The following TACC2 variants were observed in gnomAD, a reference collection of about 807,000 sequenced individuals.
TACC2 encodes transforming acidic coiled-coil containing protein 2.
Under a neutral mutation model 227.3 loss-of-function variants are expected in TACC2, and 137 were observed. The ratio of observed to expected loss-of-function variants is 0.60; its 90% CI spans 0.52 to 0.69. The LOEUF is 0.69. Ranked by LOEUF, TACC2 falls within the 30% of genes least tolerant of loss-of-function variation. TACC2 has a pLI of 0.00. For missense variants in TACC2, 3,470 were observed against 3,694.4 expected, an observed-to-expected ratio of 0.94 and a Z score of 1.57; for synonymous variants, 1,523 against 1,487.5, an observed-to-expected ratio of 1.02 and a Z score of -0.55.
In TACC2 at chr10:122,085,114, T is replaced by A. The variant is rs2079956738; in HGVS notation, c.2614T>A (p.Ser872Thr). Residue 872 changes from serine (S) to threonine (T), a missense_variant, in exon 4 of 23, where the codon TCT (serine) becomes ACT (threonine). Coordinates refer to ENST00000369005, the MANE Select transcript of TACC2 (RefSeq NM_206862.4). ...AGGTTTTAAGGACCAGGGAGCAGATTCTTCCCAAATCCATGTACCTGTGGA... is the reference window on the plus strand; with the variant it reads ...AGGTTTTAAGGACCAGGGAGCAGATACTTCCCAAATCCATGTACCTGTGGA... ...HPGFKDQGAD[S>T]SQIHVPVEPQ... is the part of the protein sequence containing the mutation. 1 of 1,614,134 alleles carries A rather than the reference T, an allele frequency of 6.2e-7. No homozygotes were observed. The highest frequency in any genetic ancestry group is 8.5e-7 in the Non-Finnish European group (1 of 1,180,020).
intron 5 of TACC2, among the ~76,000 whole-genome samples, chr10:122,108,370 T>C (rs2083140473): frequency 6.8e-6 from 1 of 147,686 alleles, no homozygotes; most frequent in Non-Finnish European, 1.5e-5. Flanking sequence ...TAGTATTCCA[T>C]GCGCGCGCGC....
At chr10:122,022,050 G>T in intron 2 of TACC2, 36 bp downstream of exon 2, 1 of 1,612,822 alleles carries the variant, frequency 6.2e-7, no homozygotes, top group Non-Finnish European at 8.5e-7. Flanking sequence ...GAGCTACGTG[G>T]TGCTCTTGGC....
rs2094512987 is a variant in TACC2 at position 122,194,805 on chromosome 10, G to C, written c.5835-235G>C. Among the ~76,000 whole-genome samples, 1 of 152,230 alleles carries C rather than the reference G, an allele frequency of 6.6e-6. No homozygotes were observed. ...TATTTGCCACTAAGGCGAGAAGCGT[G>C]TATTTCCAGTAGAGCCGAGTTCAAA... On this transcript the variant is annotated intron_variant, in intron 7 of 22. Transcript: ENST00000369005. This position sits in a 1 kb window ranked among gnomAD's most constrained non-coding sequence, Gnocchi z 4.4.
In TACC2 at chr10:122,106,497, C is replaced by T. The variant is rs866160342; in HGVS notation, c.5573+17906C>T. Among the ~76,000 whole-genome samples the T allele has an allele frequency of 6.6e-5, 10 of 152,286 alleles. 1 individual carries two copies. The Middle Eastern group carries it at 0.017, about 259-fold the overall frequency. On this transcript the variant is annotated intron_variant, in intron 5 of 22. Coordinates refer to ENST00000369005, the MANE Select transcript of TACC2 (RefSeq NM_206862.4). ...GTGGCTTTCCACTTCTCAGCAAAAGCAAAGTATTGTTGCTACAACATAATT... is the reference window on the plus strand; with the variant it reads ...GTGGCTTTCCACTTCTCAGCAAAAGTAAAGTATTGTTGCTACAACATAATT...
intron 2 of TACC2, among the ~76,000 whole-genome samples, chr10:122,040,495 C>CA (rs2074118476): frequency 6.6e-6 from 1 of 152,164 alleles, no homozygotes; most frequent in Admixed American, 6.5e-5. Context: ...GAGAGCCCTA[C>CA]AGGGGACATC....
At chr10:122,208,481 A>T (rs2095199646) in intron 8 of TACC2, among the ~76,000 whole-genome samples, 1 of 152,196 alleles carries the variant, frequency 6.6e-6, no homozygotes, top group African/African-American at 2.4e-5. Flanking sequence ...TTGCTCTGAG[A>T]AAATCGACAG....
intron 7 of TACC2, among the ~76,000 whole-genome samples, chr10:122,185,042 T>C (rs2140345767): frequency 6.7e-6 from 1 of 149,516 alleles, no homozygotes; most frequent in South Asian, 2.1e-4. Flanking sequence ...TTTTTTTTTT[T>C]TTTAGTAGAG....
intron 2 of TACC2, among the ~76,000 whole-genome samples, chr10:122,040,219 C>T (rs77107487): frequency 0.036 from 5,498 of 152,218 alleles, 126 homozygotes; most frequent in South Asian, 0.053. Flanking sequence ...TGGGAGGACA[C>T]GGTCCAATGG....
chr10:122,084,418 G>A lies in TACC2; in HGVS notation c.1918G>A (p.Gly640Ser). The change falls in exon 4 of 23, where the codon GGT (glycine) becomes AGT (serine). Residue 640 changes from glycine to serine, a missense_variant. By Grantham distance (56) the Gly-to-Ser change is moderately conservative (BLOSUM62 0). Coordinates refer to ENST00000369005, the MANE Select transcript of TACC2 (RefSeq NM_206862.4). Reference sequence around the variant, plus strand: ...CTCAGCACAGCCACCCAGAAAGGGGGGTGCTGGGCACACGGACGGGCCCCA... The same window carrying A: ...CTCAGCACAGCCACCCAGAAAGGGGAGTGCTGGGCACACGGACGGGCCCCA... ...SHSAQPPRKGGAGHTDGPHSQ... is the reference protein window; with the variant it reads ...SHSAQPPRKGSAGHTDGPHSQ... The A allele has an allele frequency of 6.2e-7, 1 of 1,612,868 alleles. No individual in the cohort carries two copies. Among genetic ancestry groups the A allele is most frequent in the East Asian group, 2.2e-5 (1 of 44,880 alleles).
intron 2 of TACC2, among the ~76,000 whole-genome samples, chr10:122,039,944 G>T (rs1286185690): frequency 6.6e-6 from 1 of 151,360 alleles, no homozygotes; most frequent in Non-Finnish European, 1.5e-5. Context: ...GCTAATTGGA[G>T]GTTCCTCTTA....
chr10:122,112,373 T>C (rs1445733708), intron 5 of TACC2, among the ~76,000 whole-genome samples: 6 of 152,292 alleles, frequency 3.9e-5, no homozygotes, highest in Middle Eastern at 3.4e-3. Context: ...CCTAGAAATA[T>C]GGCAGCTGGA....
At chr10:122,097,865 G>A (rs1333284776) in intron 5 of TACC2, among the ~76,000 whole-genome samples, 1 of 152,056 alleles carries the variant, frequency 6.6e-6, no homozygotes, top group Non-Finnish European at 1.5e-5. Flanking sequence ...GGGGCTTCTG[G>A]GCAACTCCAT....
intron 2 of TACC2, among the ~76,000 whole-genome samples, chr10:122,034,803 G>A (rs540111342): frequency 1.5e-4 from 22 of 151,708 alleles, no homozygotes; most frequent in Non-Finnish European, 2.2e-4. Context: ...GGTGGTGCAC[G>A]CTTAATCCCA....
chr10:122,243,361 C>T (rs189561431), intron 19 of TACC2, among the ~76,000 whole-genome samples: 1 of 152,162 alleles, frequency 6.6e-6, no homozygotes, highest in Non-Finnish European at 1.5e-5. Context: ...CACCCCCAAG[C>T]ATATGGATGT....
intron 6 of TACC2, among the ~76,000 whole-genome samples, chr10:122,135,646 T>C (rs1302945168): frequency 6.6e-6 from 1 of 152,088 alleles, no homozygotes; most frequent in Non-Finnish European, 1.5e-5. Context: ...CTCTGTAAAA[T>C]ACAGTCGATC....
chr10:122,089,545 CT>C (rs2080492974), intron 5 of TACC2, among the ~76,000 whole-genome samples: 1 of 152,190 alleles, frequency 6.6e-6, no homozygotes, highest in Non-Finnish European at 1.5e-5. Context: ...AGGTTTCATC[CT>C]TTTGGGGAAA....
At chr10:122,253,795 G>A (rs1281836122) in intron 22 of TACC2, among the ~76,000 whole-genome samples, 196 bp from the exon 23 acceptor site, 2 of 152,216 alleles carry the variant, frequency 1.3e-5, no homozygotes, top group African/African-American at 4.8e-5. Context: ...GCTCAGAGAG[G>A]TTGTGTAACT....
intron 19 of TACC2, among the ~76,000 whole-genome samples, chr10:122,245,847 G>T (rs763636829): frequency 1.3e-5 from 2 of 152,066 alleles, no homozygotes; most frequent in Non-Finnish European, 2.9e-5. Context: ...TCCTATTTTA[G>T]ACAAGGAGGC....
chr10:122,097,262 G>A (rs866765016), intron 5 of TACC2, among the ~76,000 whole-genome samples: 1 of 152,166 alleles, frequency 6.6e-6, no homozygotes. Context: ...CCAGGAGGTC[G>A]AGGCTGCAGT....
Sources: allele counts gnomAD v4.1 joint callset (sites outside exome capture counted in the v4.1 genomes callset), GRCh38; gene constraint gnomAD v4.1.1; non-coding constraint Gnocchi (gnomAD v3.1); transcripts MANE v1.5; gene names NCBI Gene and HGNC (gene_info 2026-07-23, HGNC 2026-07-21).